SNX5: variants seen among roughly 807,000 people sequenced by gnomAD.
SNX5 encodes the protein sorting nexin-5.
SNX5 carries 31 observed loss-of-function variants against 53.9 expected under a neutral mutation model. The observed-to-expected ratio is 0.58, with a 90% CI of 0.43 to 0.78. The LOEUF (loss-of-function observed/expected upper bound fraction) is 0.78. Among genes scored for constraint, SNX5 ranks in the 30% least tolerant of loss-of-function variants. The pLI, the probability that SNX5 is intolerant of heterozygous loss-of-function variation, is 0.00. For missense variants in SNX5, 471 were observed against 478.8 expected, an observed-to-expected ratio of 0.98 and a Z score of 0.15; for synonymous variants, 168 against 171.1, an observed-to-expected ratio of 0.98 and a Z score of 0.14.
intron 2 of SNX5, 136 bp from the exon 3 acceptor site, chr20:17,955,611 G>A: frequency 1.7e-6 from 1 of 599,230 alleles, no homozygotes; most frequent in East Asian, 2.9e-5. Flanking sequence ...AGTTATACAT[G>A]ATCTCCTGTC....
At chr20:17,948,753 G>C (rs2039522081) in intron 10 of SNX5, 137 bp downstream of exon 10, 1 of 684,202 alleles carries the variant, frequency 1.5e-6, no homozygotes, top group African/African-American at 1.8e-5. Flanking sequence ...AAGCTTTATG[G>C]ATACAATGCC....
chr20:17,952,702 A>C lies in SNX5; in HGVS notation c.398T>G (p.Leu133Arg). Residue 133 changes from leucine to arginine, a missense_variant, in exon 5 of 13, where the codon CTC becomes CGC. Leu to Arg is a moderately radical substitution (Grantham distance 102). Transcript: ENST00000377759. Reference sequence around the variant, plus strand: ...GGACACAGTCTTCTTAAACACAGCGAGATACTCACTGAAAAGAGATGTGCA... The same window carrying C: ...GGACACAGTCTTCTTAAACACAGCGCGATACTCACTGAAAAGAGATGTGCA... ...KMKQELEAEY[L>R]AVFKKTVSSH... 6.2e-6 allele frequency: 10 copies of C among 1,613,068 alleles called. No individual in the cohort carries two copies. Among genetic ancestry groups the C allele is most frequent in the Non-Finnish European group, 8.5e-6 (10 of 1,179,632 alleles).
Position 17,943,117 on chromosome 20 carries a change from T to C in SNX5, c.1157A>G (p.His386Arg), listed in dbSNP as rs2039440370. 1.9e-6 allele frequency: 3 copies of C among 1,595,272 alleles called. No individual in the cohort carries two copies. ...LIEMSELEIK[H>R]ARNNVSLLQS... ...TCTGTAGAAAACACTTACCCTGGCATGTTTTATTTCCAGTTCAGACATTTC... is the reference window on the plus strand; with the variant it reads ...TCTGTAGAAAACACTTACCCTGGCACGTTTTATTTCCAGTTCAGACATTTC... The change falls in exon 12 of 13, where the codon CAT becomes CGT. Residue 386 changes from histidine to arginine, a missense_variant. By Grantham distance (29) the His-to-Arg change is conservative. Transcript: ENST00000377759.
chr20:17,953,928 T>C (rs1415791813), intron 4 of SNX5, 68 bp downstream of exon 4: 1 of 1,365,972 alleles, frequency 7.3e-7, no homozygotes, highest in African/African-American at 1.5e-5. Flanking sequence ...GTTCTTCTAC[T>C]TATTTTTGTA....
intron 1 of SNX5, among the ~76,000 whole-genome samples, chr20:17,966,931 G>T (rs1405300880): frequency 6.6e-6 from 1 of 152,118 alleles, no homozygotes; most frequent in Non-Finnish European, 1.5e-5. Flanking sequence ...ACGCGTCAGG[G>T]TAATTATTTA....
chr20:17,950,256 C>CA (rs1180842330), intron 7 of SNX5, 35 bp downstream of exon 7: 1 of 1,611,370 alleles, frequency 6.2e-7, no homozygotes, highest in Non-Finnish European at 8.5e-7. Flanking sequence ...CCAGGCTCAT[C>CA]AGCAAAGCTC....
intron 10 of SNX5, among the ~76,000 whole-genome samples, chr20:17,948,220 G>C (rs1288343275): frequency 6.6e-6 from 1 of 152,134 alleles, no homozygotes; most frequent in African/African-American, 2.4e-5. Context: ...AAACTACTAG[G>C]CCTATTTTTG....
chr20:17,950,014 T>G, intron 8 of SNX5, 118 bp downstream of exon 8: 4 of 798,588 alleles, frequency 5.0e-6, no homozygotes, highest in Non-Finnish European at 8.2e-6. Context: ...GAGACTTGTC[T>G]TACTGAGCTT....
chr20:17,944,431 G>C (rs1048593704), intron 11 of SNX5: 4 of 152,092 alleles, frequency 2.6e-5, no homozygotes, highest in African/African-American at 9.7e-5. Flanking sequence ...ATGACTTGTC[G>C]ATTAAAAATA....
At chr20:17,959,625 C>T (rs1218124385) in intron 1 of SNX5, among the ~76,000 whole-genome samples, 1 of 152,180 alleles carries the variant, frequency 6.6e-6, no homozygotes. Flanking sequence ...GGCAAAACCC[C>T]TCAGCATCCA....
At chr20:17,961,791 G>A in intron 1 of SNX5, 1 of 985,402 alleles carries the variant, frequency 1.0e-6, no homozygotes. Flanking sequence ...GATTTTGCCA[G>A]CAAGAGGGCC....
intron 2 of SNX5, 106 bp from the exon 3 acceptor site, chr20:17,955,581 G>C: frequency 1.4e-6 from 1 of 699,164 alleles, no homozygotes; most frequent in Middle Eastern, 2.4e-4. Context: ...ATCATAATAT[G>C]ATCCAGTAAA....
chr20:17,942,923 A>G, intron 12 of SNX5, 187 bp downstream of exon 12: 1 of 535,762 alleles, frequency 1.9e-6, no homozygotes, highest in South Asian at 2.9e-5. Flanking sequence ...GTTGCTAAAA[A>G]TTAGTCATGG....
At position 17,968,445 on chromosome 20, in the gene SNX5, A is replaced by G; in HGVS notation, c.-20T>C. Reference sequence around the variant, plus strand: ...GGCCATGGCGACGCGGGACTCGAGCAGGGGCCGCCTGGCTGTGCGAGGAAA... The same window carrying G: ...GGCCATGGCGACGCGGGACTCGAGCGGGGGCCGCCTGGCTGTGCGAGGAAA... On this transcript the variant is annotated 5_prime_UTR_variant, in exon 1 of 13. Coordinates refer to ENST00000377759, the MANE Select transcript of SNX5 (RefSeq NM_014426.4). 1 of 1,283,018 alleles carries G rather than the reference A, an allele frequency of 7.8e-7. No individual in the cohort carries two copies. Among genetic ancestry groups the G allele is most frequent in the Non-Finnish European group, 9.9e-7 (1 of 1,012,292 alleles). 79.5% of individuals were successfully genotyped at this position (1,283,018 alleles called of 1,614,324 possible). A position where few individuals can be genotyped will look rare whatever the true frequency, so the allele number is the denominator to read the frequency against.
At chr20:17,947,284 G>T in intron 11 of SNX5, 1 of 550,334 alleles carries the variant, frequency 1.8e-6, no homozygotes, top group Non-Finnish European at 3.2e-6. Context: ...ATCTCCAATG[G>T]TACAGAAAAA....
intron 11 of SNX5, among the ~76,000 whole-genome samples, chr20:17,946,784 T>C (rs2039493233): frequency 6.6e-6 from 1 of 152,152 alleles, no homozygotes; most frequent in South Asian, 2.1e-4. Flanking sequence ...TCACCACAGA[T>C]TGATGGGGGT....
chr20:17,947,554 T>G lies in SNX5; in HGVS notation c.1010A>C (p.Lys337Thr), dbSNP rs369543726. Residue 337 changes from lysine (K) to threonine (T), a missense_variant, in exon 11 of 13, where the codon AAG (lysine) becomes ACG (threonine). Coordinates refer to ENST00000377759, the MANE Select transcript of SNX5 (RefSeq NM_014426.4). ...DKARLKSKDVKLAEAHQQECC... is the reference protein window; with the variant it reads ...DKARLKSKDVTLAEAHQQECC... ...CTCCTGCTGGTGTGCCTCAGCCAAC[T>G]TGACGTCTTTGCTCTTTAACCGGGC... 6.2e-7 allele frequency: 1 copy of G among 1,614,034 alleles called. No homozygotes were observed. The highest frequency in any genetic ancestry group is 8.5e-7 in the Non-Finnish European group (1 of 1,179,868).
chr20:17,942,826 G>T lies in SNX5; in HGVS notation c.1164+284C>A, dbSNP rs1292628964. The T allele has an allele frequency of 1.3e-5, 5 of 386,668 alleles. No homozygotes were observed. The Admixed American group carries it at 2.2e-4, about 17-fold the overall frequency. 24.0% of individuals were successfully genotyped at this position (386,668 alleles called of 1,614,324 possible). On this transcript the variant is annotated intron_variant, in intron 12 of 12. Transcript: ENST00000377759. ...TAATCCCAGCACTTTGGGAGGCCAA[G>T]GCAGGTGGATCACCTGAGGTCAGGG... is the stretch of plus-strand genomic sequence containing the variant.
chr20:17,947,226 A>C (rs956038152), intron 11 of SNX5: 12 of 419,058 alleles, frequency 2.9e-5, no homozygotes, highest in Non-Finnish European at 5.1e-5. Context: ...CTTAGGAAAT[A>C]AACCACAACG....
Sources: allele counts gnomAD v4.1 joint callset (sites outside exome capture counted in the v4.1 genomes callset), GRCh38; gene constraint gnomAD v4.1.1; transcripts MANE v1.5; gene names NCBI Gene and HGNC (gene_info 2026-07-23, HGNC 2026-07-21).